Variants in SVIL observed in about 807,000 individuals in gnomAD.
SVIL encodes the protein supervillin.
In SVIL, 101 loss-of-function variants were observed where a neutral mutation model predicts 240.4. That is an observed-to-expected ratio of 0.42 (90% CI 0.36 to 0.50). The LOEUF (loss-of-function observed/expected upper bound fraction) is 0.50, where lower values mean the gene tolerates loss of function less well. SVIL is among the 20% of genes least tolerant of loss of function. The probability of loss-of-function intolerance (pLI) is 0.01; values close to 1 mark genes in which losing one functional copy is unlikely to be tolerated. For synonymous variants in SVIL, 999 were observed against 1,100.0 expected, an observed-to-expected ratio of 0.91 and a Z score of 1.82; for missense variants, 2,512 against 2,818.7, an observed-to-expected ratio of 0.89 and a Z score of 2.46.
At chr10:29,538,706 G>C (rs540230402) in intron 6 of SVIL, among the ~76,000 whole-genome samples, 19 of 152,372 alleles carry the variant, frequency 1.2e-4, no homozygotes, top group African/African-American at 4.1e-4. Context: ...TGAGTGTTCT[G>C]AGCATATCTA....
intron 17 of SVIL, among the ~76,000 whole-genome samples, chr10:29,500,880 G>A (rs1245673053): frequency 6.6e-6 from 1 of 152,110 alleles, no homozygotes; most frequent in Non-Finnish European, 1.5e-5. Context: ...CCTGATTCAG[G>A]AGGGACAGGA....
At chr10:29,725,653 G>A (rs1440177229) in intron 1 of SVIL, among the ~76,000 whole-genome samples, 1 of 152,184 alleles carries the variant, frequency 6.6e-6, no homozygotes, top group Non-Finnish European at 1.5e-5. Context: ...AGAAACCAGA[G>A]GCTGCTGGTT....
intron 1 of SVIL, among the ~76,000 whole-genome samples, chr10:29,633,875 A>G (rs1958208374): frequency 6.6e-6 from 1 of 152,200 alleles, no homozygotes; most frequent in African/African-American, 2.4e-5. Context: ...GGTTTTTCTC[A>G]TAAATTCTGG....
intron 30 of SVIL, among the ~76,000 whole-genome samples, chr10:29,471,509 G>T (rs1395511084): frequency 6.6e-6 from 1 of 152,084 alleles, no homozygotes; most frequent in Admixed American, 6.5e-5. Context: ...TTTACTTAAT[G>T]TTGTTCTGTC....
intron 36 of SVIL, among the ~76,000 whole-genome samples, chr10:29,461,588 A>G (rs929218729): frequency 6.6e-6 from 1 of 152,244 alleles, no homozygotes; most frequent in Non-Finnish European, 1.5e-5. Context: ...CACCAAATCA[A>G]AACAAATCCT....
At chr10:29,600,021 G>A (rs112213224) in intron 1 of SVIL, among the ~76,000 whole-genome samples, 236 of 151,946 alleles carry the variant, frequency 1.6e-3, no homozygotes, top group Middle Eastern at 3.4e-3. Flanking sequence ...GAGTGCTTTG[G>A]GCTGGATGAG....
intron 32 of SVIL, among the ~76,000 whole-genome samples, 182 bp downstream of exon 32, chr10:29,470,094 A>T (rs531713528): frequency 1.3e-5 from 2 of 152,060 alleles, no homozygotes; most frequent in African/African-American, 4.8e-5. Context: ...GGAGGTCTGG[A>T]CTGAGATGTG....
Position 29,463,492 on chromosome 10 carries a change from CT to C in SVIL, c.6276del (p.Gly2093GlufsTer21). 6.2e-7 allele frequency: 1 copy of C among 1,613,712 alleles called. No homozygotes were observed. Among genetic ancestry groups the C allele is most frequent in the Non-Finnish European group, 8.5e-7 (1 of 1,179,800 alleles). ...GCAGGCATGTTAGAGGGAGCCTCAC[CT>C]TTGCAGTACTGGAGCACAGTCTCCA... ...SAMETVLQYC[K>X]GKNLKKPAPK... On this transcript the variant is annotated frameshift_variant and splice_region_variant, in exon 35 of 38. Coordinates refer to ENST00000355867, the MANE Select transcript of SVIL (RefSeq NM_021738.3). LOFTEE classifies it high-confidence loss of function.
At chr10:29,496,746 C>T (rs1366633951) in intron 18 of SVIL, among the ~76,000 whole-genome samples, 1 of 152,202 alleles carries the variant, frequency 6.6e-6, no homozygotes, top group Non-Finnish European at 1.5e-5. Flanking sequence ...CTACTCTCTT[C>T]GGGAACATTT....
Position 29,533,205 on chromosome 10 carries a change from C to T in SVIL, c.1162G>A (p.Ala388Thr). ...GATGCTACCCAGCTACACTCAGATG[C>T]ATTTTCTGGGGTTTCTGGCGTCACT... ...KLVTPETPENASECSWVASAT... is the reference protein window; with the variant it reads ...KLVTPETPENTSECSWVASAT... Residue 388 changes from alanine (A) to threonine (T), a missense_variant, in exon 8 of 38, where the codon GCA becomes ACA. Coordinates refer to ENST00000355867, the MANE Select transcript of SVIL (RefSeq NM_021738.3). 6.2e-7 allele frequency: 1 copy of T among 1,614,110 alleles called. No homozygotes were observed. The highest frequency in any genetic ancestry group is 8.5e-7 in the Non-Finnish European group (1 of 1,180,032).
chr10:29,675,045 A>G (rs1320629753), intron 2 of SVIL, among the ~76,000 whole-genome samples: 2 of 152,224 alleles, frequency 1.3e-5, no homozygotes, highest in African/African-American at 2.4e-5. Context: ...ATAACTGAAC[A>G]TATTCACAGC....
chr10:29,499,821 T>C (rs951815017), intron 17 of SVIL, among the ~76,000 whole-genome samples: 3 of 152,202 alleles, frequency 2.0e-5, no homozygotes, highest in Non-Finnish European at 4.4e-5. Context: ...TGCGGGCAGG[T>C]AGACAACCAG....
chr10:29,487,942 CAT>C (rs944908643), intron 23 of SVIL, among the ~76,000 whole-genome samples: 20 of 152,284 alleles, frequency 1.3e-4, no homozygotes, highest in African/African-American at 3.4e-4. Context: ...TACACAGAAA[CAT>C]GTGGGAAACC....
chr10:29,599,637 G>A (rs1410324594), intron 1 of SVIL, among the ~76,000 whole-genome samples: 8 of 152,000 alleles, frequency 5.3e-5, no homozygotes, highest in African/African-American at 1.9e-4. Flanking sequence ...GGCTGGTCTC[G>A]AACTCCTGAC....
chr10:29,728,920 G>A (rs760748538), intron 1 of SVIL, among the ~76,000 whole-genome samples: 3 of 152,110 alleles, frequency 2.0e-5, no homozygotes, highest in Non-Finnish European at 2.9e-5. Context: ...CAGGCCTGCC[G>A]GGAGGTGGCT....
At chr10:29,676,096 T>C (rs1336588933) in intron 2 of SVIL, among the ~76,000 whole-genome samples, 1 of 152,214 alleles carries the variant, frequency 6.6e-6, no homozygotes, top group Non-Finnish European at 1.5e-5. Flanking sequence ...CTCTAATTCC[T>C]GTTTCCCATG....
In SVIL at chr10:29,663,686, T is replaced by C. The variant is rs570929660; in HGVS notation, c.-300-5618A>G. ...GACGCCTATATTCCATATGGACTTTTCCCTCTAAAATCAGACTCATTTTTT... is the reference window on the plus strand; with the variant it reads ...GACGCCTATATTCCATATGGACTTTCCCCTCTAAAATCAGACTCATTTTTT... On this transcript the variant is annotated intron_variant, in intron 2 of 35. Transcript: ENST00000375400. Among the ~76,000 whole-genome samples the C allele has an allele frequency of 2.0e-5, 3 of 152,330 alleles. No homozygotes were observed. In the East Asian group the frequency reaches 5.8e-4, roughly 29 times the overall value.
intron 1 of SVIL, among the ~76,000 whole-genome samples, chr10:29,588,758 A>G (rs1287721499): frequency 1.2e-4 from 19 of 152,206 alleles, no homozygotes; most frequent in Admixed American, 1.2e-3. Context: ...TCACAGGCTT[A>G]GGGTACCTTA....
chr10:29,486,559 TA>T lies in SVIL; in HGVS notation c.4486-3del, dbSNP rs1947419251. On this transcript the variant is annotated splice_polypyrimidine_tract_variant and splice_region_variant and intron_variant, in intron 24 of 37. Coordinates refer to ENST00000355867, the MANE Select transcript of SVIL (RefSeq NM_021738.3). ...AATTAAAGTTGCAAGTTCTGAGGCCTAAAAAAGAGAGGAACACAATTGCCTG... is the reference window on the plus strand; with the variant it reads ...AATTAAAGTTGCAAGTTCTGAGGCCTAAAAAGAGAGGAACACAATTGCCTG... The T allele has an allele frequency of 6.2e-7, 1 of 1,613,886 alleles. No individual in the cohort carries two copies. The highest frequency in any genetic ancestry group is 8.5e-7 in the Non-Finnish European group (1 of 1,180,010).
Sources: allele counts gnomAD v4.1 joint callset (sites outside exome capture counted in the v4.1 genomes callset), GRCh38; gene constraint gnomAD v4.1.1; transcripts MANE v1.5; gene names NCBI Gene and HGNC (gene_info 2026-07-23, HGNC 2026-07-21).